TM9SF3: variants seen among roughly 807,000 people sequenced by gnomAD.
The protein encoded by TM9SF3 is transmembrane 9 superfamily member 3.
Under a neutral mutation model 78.6 loss-of-function variants are expected in TM9SF3, and 14 were observed. That is an observed-to-expected ratio of 0.18 (90% CI 0.12 to 0.28). The LOEUF (loss-of-function observed/expected upper bound fraction) is 0.28. TM9SF3 is among the 10% of genes least tolerant of loss of function. TM9SF3 has a pLI of 1.00. For synonymous variants in TM9SF3, 231 were observed against 241.7 expected, an observed-to-expected ratio of 0.96 and a Z score of 0.41; for missense variants, 496 against 721.9, an observed-to-expected ratio of 0.69 and a Z score of 3.59.
At chr10:96,569,658 G>A (rs919840274) in intron 2 of TM9SF3, among the ~76,000 whole-genome samples, 1 of 152,302 alleles carries the variant, frequency 6.6e-6, no homozygotes, top group African/African-American at 2.4e-5. Context: ...ATTCAGAGAT[G>A]TACTGAAATA....
intron 9 of TM9SF3, among the ~76,000 whole-genome samples, chr10:96,539,218 C>G (rs775247158): frequency 2.6e-4 from 40 of 152,118 alleles, no homozygotes; most frequent in Non-Finnish European, 5.1e-4. Context: ...TACCTGTAAT[C>G]GCAGCACTTT....
At chr10:96,572,398 A>C (rs1375199033) in intron 2 of TM9SF3, among the ~76,000 whole-genome samples, 2 of 151,972 alleles carry the variant, frequency 1.3e-5, no homozygotes, top group East Asian at 1.9e-4. Context: ...ACCCTAAAGC[A>C]CATCTTCTAT....
chr10:96,542,836 A>C (rs1848050201), intron 9 of TM9SF3, among the ~76,000 whole-genome samples: 1 of 152,182 alleles, frequency 6.6e-6, no homozygotes. Context: ...CCTAACTAAA[A>C]GGTATTAAAT....
chr10:96,578,549 T>C (rs1848523712), intron 1 of TM9SF3, among the ~76,000 whole-genome samples: 1 of 152,190 alleles, frequency 6.6e-6, no homozygotes, highest in African/African-American at 2.4e-5. Context: ...AAGTAATGAA[T>C]CAAAGGTCTA....
At chr10:96,557,916 G>A (rs1848254977) in intron 5 of TM9SF3, among the ~76,000 whole-genome samples, 1 of 152,162 alleles carries the variant, frequency 6.6e-6, no homozygotes, top group African/African-American at 2.4e-5. Context: ...TACTTATTGT[G>A]TTTATTTCAC....
chr10:96,534,814 A>G (rs1847936858), intron 9 of TM9SF3, among the ~76,000 whole-genome samples: 1 of 152,234 alleles, frequency 6.6e-6, no homozygotes, highest in South Asian at 2.1e-4. Flanking sequence ...AAATATCAGT[A>G]TACTGGAGAT....
chr10:96,533,234 CATT>C, intron 9 of TM9SF3, 44 bp from the exon 10 acceptor site: 1 of 1,577,658 alleles, frequency 6.3e-7, no homozygotes, highest in Non-Finnish European at 8.6e-7. Flanking sequence ...AGAACAATAA[CATT>C]AATATAAACA....
chr10:96,577,591 A>G (rs999491839), intron 1 of TM9SF3: 4 of 152,226 alleles, frequency 2.6e-5, no homozygotes, highest in African/African-American at 9.6e-5. Flanking sequence ...CAATGATTCT[A>G]TGGAAACTGA....
intron 1 of TM9SF3, among the ~76,000 whole-genome samples, chr10:96,585,228 C>A (rs781560080): frequency 2.0e-5 from 3 of 151,970 alleles, no homozygotes; most frequent in Non-Finnish European, 4.4e-5. Flanking sequence ...CATATGGTAA[C>A]TTTTCCTAAG....
At position 96,586,892 on chromosome 10, in the gene TM9SF3, T is replaced by TCCGCCGCCGCCGCCTCCGCCGCCGCCG. The variant is rs1564944124; in HGVS notation, c.-58_-57insCGGCGGCGGCGGAGGCGGCGGCGGCGG. The TCCGCCGCCGCCGCCTCCGCCGCCGCCG allele has an allele frequency of 9.0e-7, 1 of 1,110,906 alleles. No homozygotes were observed. Among genetic ancestry groups the TCCGCCGCCGCCGCCTCCGCCGCCGCCG allele is most frequent in the South Asian group, 4.3e-5 (1 of 23,046 alleles). The allele number at this position is 1,110,906 out of a possible 1,614,324, so 68.8% of individuals were successfully genotyped here. A position where few individuals can be genotyped will look rare whatever the true frequency, so the allele number is the denominator to read the frequency against. The stretch of plus-strand genomic sequence containing the variant: ...ACCGACTCCTCCTCCCGCCGCCGCC[T>TCCGCCGCCGCCGCCTCCGCCGCCGCCG]CCTCCGCCGCCGCCGCCTCCGCCGC... On this transcript the variant is annotated 5_prime_UTR_variant, in exon 1 of 15. Coordinates refer to ENST00000371142, the MANE Select transcript of TM9SF3 (RefSeq NM_020123.4).
At chr10:96,543,232 T>C (rs914507806) in intron 9 of TM9SF3, among the ~76,000 whole-genome samples, 4 of 152,208 alleles carry the variant, frequency 2.6e-5, no homozygotes, top group African/African-American at 9.7e-5. Flanking sequence ...CTAGTTTTAA[T>C]ATATTTAAAT....
chr10:96,572,517 C>T (rs902752000), intron 2 of TM9SF3, among the ~76,000 whole-genome samples: 2 of 150,442 alleles, frequency 1.3e-5, no homozygotes, highest in African/African-American at 4.9e-5. Flanking sequence ...CTATATTTAA[C>T]GCATTTTCTT....
At chr10:96,559,869 T>C (rs1383252485) in intron 4 of TM9SF3, 133 bp from the exon 5 acceptor site, 1 of 580,048 alleles carries the variant, frequency 1.7e-6, no homozygotes, top group Non-Finnish European at 3.0e-6. Flanking sequence ...GGAAAGTTAC[T>C]TACAACATGA....
chr10:96,529,713 A>G (rs1847876086), intron 11 of TM9SF3, among the ~76,000 whole-genome samples: 1 of 152,206 alleles, frequency 6.6e-6, no homozygotes. Flanking sequence ...ATCTTTTAAA[A>G]TAATTATCTT....
intron 2 of TM9SF3, among the ~76,000 whole-genome samples, chr10:96,575,786 G>A (rs1848490086): frequency 6.7e-6 from 1 of 149,896 alleles, no homozygotes; most frequent in South Asian, 2.1e-4. Flanking sequence ...GATCCATGAT[G>A]TATTCAAAAA....
intron 7 of TM9SF3, among the ~76,000 whole-genome samples, chr10:96,549,703 A>C (rs981374759): frequency 1.3e-5 from 2 of 152,014 alleles, no homozygotes; most frequent in African/African-American, 4.8e-5. Context: ...AACCACTTAC[A>C]GTAATTATAG....
chr10:96,584,491 TTTTG>T lies in TM9SF3; in HGVS notation c.102+2239_102+2242del, dbSNP rs1848607914. On this transcript the variant is annotated intron_variant, in intron 1 of 14. Transcript: ENST00000371142. ...TAGATGCTATTCTTCCCATAACTGT[TTTTG>T]TTTTTGTTTTGCTTTTTACAATACA... Among the ~76,000 whole-genome samples, 3 of 152,338 alleles carry T rather than the reference TTTTG, an allele frequency of 2.0e-5. No individual in the cohort carries two copies. In the South Asian group the frequency reaches 6.2e-4, roughly 32 times the overall value.
chr10:96,557,205 T>C (rs1452909360), intron 5 of TM9SF3, among the ~76,000 whole-genome samples: 2 of 152,246 alleles, frequency 1.3e-5, no homozygotes, highest in East Asian at 3.9e-4. Flanking sequence ...AGAACTGATA[T>C]ATCCAATTTG....
intron 6 of TM9SF3, among the ~76,000 whole-genome samples, chr10:96,552,678 AG>A (rs1848187667): frequency 6.6e-6 from 1 of 152,174 alleles, no homozygotes; most frequent in Non-Finnish European, 1.5e-5. Context: ...AACTAACAAG[AG>A]GTTACACTAT....
Sources: gnomAD v4.1 joint callset for allele counts (sites outside exome capture counted in the v4.1 genomes callset) on GRCh38, gnomAD v4.1.1 for gene constraint, MANE v1.5 for transcripts, NCBI Gene and HGNC (gene_info 2026-07-23, HGNC 2026-07-21) for gene names.